The following GRIA4 variants were observed in gnomAD, a reference collection of about 807,000 sequenced individuals.
GRIA4 encodes glutamate ionotropic receptor AMPA type subunit 4.
GRIA4 carries 34 observed loss-of-function variants against 104.0 expected under a neutral mutation model. The ratio of observed to expected loss-of-function variants is 0.33; its 90% confidence interval spans 0.25 to 0.44. The LOEUF (loss-of-function observed/expected upper bound fraction) is 0.44. Ranked by LOEUF, GRIA4 falls within the 20% of genes least tolerant of loss-of-function variation. GRIA4 has a pLI of 1.00. For missense variants in GRIA4, 750 were observed against 1,096.5 expected, an observed-to-expected ratio of 0.68 and a Z score of 4.46; for synonymous variants, 386 against 381.9, an observed-to-expected ratio of 1.01 and a Z score of -0.13.
chr11:105,869,695 T>A (rs1945547121), intron 5 of GRIA4, among the ~76,000 whole-genome samples: 1 of 152,120 alleles, frequency 6.6e-6, no homozygotes, highest in South Asian at 2.1e-4. Flanking sequence ...AATTATACAG[T>A]ATTTATATTA....
At chr11:105,889,487 A>G (rs935817189) in intron 6 of GRIA4, among the ~76,000 whole-genome samples, 8 of 152,156 alleles carry the variant, frequency 5.3e-5, no homozygotes, top group East Asian at 3.8e-4. Flanking sequence ...TTATAACACT[A>G]GAGTAGTTTT....
intron 3 of GRIA4, among the ~76,000 whole-genome samples, chr11:105,691,165 T>C (rs1953070562): frequency 6.6e-6 from 1 of 152,168 alleles, no homozygotes; most frequent in African/African-American, 2.4e-5. Flanking sequence ...TTTTCTTTAA[T>C]ATAAATAACT....
At chr11:105,904,908 ATACTT>A (rs1275963001) in intron 8 of GRIA4, among the ~76,000 whole-genome samples, 1 of 152,210 alleles carries the variant, frequency 6.6e-6, no homozygotes, top group African/African-American at 2.4e-5. Flanking sequence ...TCCTATAAAA[ATACTT>A]TACAATTGAG....
At chr11:105,754,713 T>A (rs1337049689) in intron 4 of GRIA4, among the ~76,000 whole-genome samples, 1 of 152,206 alleles carries the variant, frequency 6.6e-6, no homozygotes, top group East Asian at 1.9e-4. Flanking sequence ...AGCAACATAT[T>A]ATATTTAAAA....
At chr11:105,644,109 G>T (rs991148037) in intron 3 of GRIA4, among the ~76,000 whole-genome samples, 1 of 152,078 alleles carries the variant, frequency 6.6e-6, no homozygotes, top group African/African-American at 2.4e-5. Flanking sequence ...ATTTTCAAAG[G>T]AAATTATTTA....
chr11:105,672,442 T>C lies in GRIA4; in HGVS notation c.247+60008T>C, dbSNP rs146286510. Reference sequence around the variant, plus strand: ...AATGAAGTTAATATAACTCTCAAGTTACTGAGAAAAATTAGTTTCAATGTT... The same window carrying C: ...AATGAAGTTAATATAACTCTCAAGTCACTGAGAAAAATTAGTTTCAATGTT... On this transcript the variant is annotated intron_variant, in intron 3 of 16. Coordinates refer to ENST00000282499, the MANE Select transcript of GRIA4 (RefSeq NM_000829.4). Among the ~76,000 whole-genome samples the C allele has an allele frequency of 5.1e-4, 78 of 152,256 alleles. No homozygotes were observed. In the East Asian group the frequency reaches 0.013, roughly 25 times the overall value.
intron 5 of GRIA4, among the ~76,000 whole-genome samples, chr11:105,865,090 C>T (rs770258266): frequency 4.6e-5 from 7 of 152,136 alleles, no homozygotes; most frequent in African/African-American, 1.2e-4. Context: ...TGAACTAATT[C>T]GTTCTTATAA....
intron 3 of GRIA4, among the ~76,000 whole-genome samples, chr11:105,703,572 A>G (rs939478918): frequency 2.6e-5 from 4 of 152,216 alleles, no homozygotes; most frequent in African/African-American, 2.4e-5. Flanking sequence ...TATATAAGCC[A>G]ACAAATAAAT....
chr11:105,794,473 G>GTATGTATATATATATATA (rs1360490604), intron 4 of GRIA4, among the ~76,000 whole-genome samples: 2 of 43,870 alleles, frequency 4.6e-5, no homozygotes, highest in African/African-American at 1.0e-4. Flanking sequence ...GTATATGTAT[G>GTATGTATATATATATATA]TATATATATA....
chr11:105,760,596 T>C (rs2135714947), intron 4 of GRIA4, among the ~76,000 whole-genome samples: 1 of 152,314 alleles, frequency 6.6e-6, no homozygotes, highest in Admixed American at 6.5e-5. Flanking sequence ...CTGGATGAGT[T>C]TGCATAATGT....
chr11:105,702,588 C>T (rs1293293575), intron 3 of GRIA4, among the ~76,000 whole-genome samples: 2 of 150,274 alleles, frequency 1.3e-5, no homozygotes, highest in Non-Finnish European at 3.0e-5. Flanking sequence ...AAAGTAATAA[C>T]AACAAACAAG....
chr11:105,882,944 A>C (rs1241435605), intron 5 of GRIA4, among the ~76,000 whole-genome samples: 1 of 151,130 alleles, frequency 6.6e-6, no homozygotes, highest in Non-Finnish European at 1.5e-5. Context: ...TTTGTTAATA[A>C]AACAGTTAAA....
chr11:105,798,494 T>C (rs1942583881), intron 4 of GRIA4, among the ~76,000 whole-genome samples: 2 of 152,254 alleles, frequency 1.3e-5, no homozygotes, highest in African/African-American at 4.8e-5. Flanking sequence ...TAATGGATGC[T>C]ACATTTCTTG....
At chr11:105,933,997 A>G (rs1490732362) in intron 14 of GRIA4, 28 bp downstream of exon 14, 4 of 1,567,724 alleles carry the variant, frequency 2.6e-6, no homozygotes, top group Non-Finnish European at 3.5e-6. Flanking sequence ...ACAATATAAC[A>G]TGTGTTGTTA....
chr11:105,756,735 T>A (rs1277735889), intron 4 of GRIA4, among the ~76,000 whole-genome samples: 3 of 144,200 alleles, frequency 2.1e-5, no homozygotes, highest in East Asian at 4.0e-4. Context: ...TTTCCTTTTT[T>A]AAATCTTTTA....
intron 3 of GRIA4, among the ~76,000 whole-genome samples, chr11:105,708,767 A>G (rs1953801496): frequency 6.6e-6 from 1 of 152,016 alleles, no homozygotes; most frequent in African/African-American, 2.4e-5. Context: ...TAAAAAAAAG[A>G]GGAAAGGCTA....
intron 14 of GRIA4, 98 bp downstream of exon 14, chr11:105,934,067 G>A: frequency 9.9e-7 from 1 of 1,008,320 alleles, no homozygotes; most frequent in Non-Finnish European, 1.4e-6. Context: ...TGTGAACATG[G>A]TATGTTTGTT....
intron 4 of GRIA4, among the ~76,000 whole-genome samples, chr11:105,838,925 T>C (rs1456767250): frequency 6.6e-6 from 1 of 152,190 alleles, no homozygotes; most frequent in Non-Finnish European, 1.5e-5. Flanking sequence ...GAAACTGACA[T>C]GCAAGCTGCT....
chr11:105,970,257 T>C (rs1344990805), intron 14 of GRIA4, among the ~76,000 whole-genome samples: 1 of 152,134 alleles, frequency 6.6e-6, no homozygotes, highest in Non-Finnish European at 1.5e-5. Flanking sequence ...AAAATTTAAA[T>C]TATATCCTGA....
Sources: allele counts gnomAD v4.1 joint callset (sites outside exome capture counted in the v4.1 genomes callset), GRCh38; gene constraint gnomAD v4.1.1; transcripts MANE v1.5; gene names NCBI Gene and HGNC (gene_info 2026-07-23, HGNC 2026-07-21).